COL21A1: variants seen among roughly 807,000 people sequenced by gnomAD.
The protein encoded by COL21A1 is collagen alpha-1(XXI) chain.
Under a neutral mutation model 137.9 loss-of-function variants are expected in COL21A1, and 149 were observed. That is an observed-to-expected ratio of 1.08 (90% CI 0.95 to 1.24). The LOEUF is 1.24. COL21A1 is among the 50% of genes most tolerant of loss of function. The pLI, the probability that COL21A1 is intolerant of heterozygous loss-of-function variation, is 0.00. For missense variants in COL21A1, 1,167 were observed against 1,158.4 expected (o/e 1.01, Z -0.11); for synonymous variants, 456 against 391.5 (o/e 1.16, Z -1.95).
intron 12 of COL21A1, among the ~76,000 whole-genome samples, chr6:56,132,056 G>A: frequency 6.7e-6 from 1 of 148,380 alleles, no homozygotes; most frequent in East Asian, 1.9e-4. Context: ...GAATTCACTT[G>A]GTGCTTTAAA....
At chr6:56,093,586 T>C (rs1451574984) in intron 17 of COL21A1, among the ~76,000 whole-genome samples, 1 of 152,136 alleles carries the variant, frequency 6.6e-6, no homozygotes, top group Non-Finnish European at 1.5e-5. Context: ...TTTCATGACC[T>C]AGGAATACCC....
intron 16 of COL21A1, among the ~76,000 whole-genome samples, chr6:56,109,816 T>C (rs1378660102): frequency 6.6e-6 from 1 of 151,898 alleles, no homozygotes; most frequent in African/African-American, 2.4e-5. Flanking sequence ...TTGCTGAAGG[T>C]TGCTCAAGAA....
rs150745598 is a variant in COL21A1 at position 56,343,346 on chromosome 6, T to C, written c.-39+50625A>G. On this transcript the variant is annotated intron_variant, in intron 1 of 28. Transcript: ENST00000370819. ...GGTAAGGCTTTTCAGTCTAGTTTCA[T>C]TGCCTGAGAAGCCTTCCTAGTCTGT... 3.0e-3 allele frequency among the ~76,000 whole-genome samples: 455 copies of C among 152,318 alleles called. 1 individual carries two copies. Among genetic ancestry groups the C allele is most frequent in the African/African-American group, 8.8e-3 (364 of 41,584 alleles).
intron 1 of COL21A1, among the ~76,000 whole-genome samples, chr6:56,321,116 C>T (rs1764855075): frequency 6.6e-6 from 1 of 152,164 alleles, no homozygotes; most frequent in Non-Finnish European, 1.5e-5. Flanking sequence ...TCTAATTAAA[C>T]ACAGATCTTC....
At chr6:56,159,177 G>A (rs190733238) in intron 9 of COL21A1, among the ~76,000 whole-genome samples, 8 of 152,142 alleles carry the variant, frequency 5.3e-5, no homozygotes, top group Admixed American at 2.0e-4. Flanking sequence ...TATCCTCACT[G>A]CAACTTTCTT....
At chr6:56,207,818 T>C (rs962087960) in intron 1 of COL21A1, among the ~76,000 whole-genome samples, 8 of 152,036 alleles carry the variant, frequency 5.3e-5, no homozygotes, top group African/African-American at 1.9e-4. Context: ...CAGCAGCATA[T>C]CAAAAACCTT....
At chr6:56,260,641 A>AAGAAAGAAAGAGAGAGAG (rs1763236514) in intron 1 of COL21A1, among the ~76,000 whole-genome samples, 4 of 40,786 alleles carry the variant, frequency 9.8e-5, no homozygotes, top group South Asian at 7.0e-4. Context: ...GGAAGGAAGG[A>AAGAAAGAAAGAGAGAGAG]AGGAAGGAAG....
At chr6:56,188,877 C>T (rs1778477044) in intron 1 of COL21A1, among the ~76,000 whole-genome samples, 1 of 152,170 alleles carries the variant, frequency 6.6e-6, no homozygotes, top group Non-Finnish European at 1.5e-5. Context: ...TCCAGTGGAC[C>T]TGCTGCAGAC....
At chr6:56,334,742 C>T (rs999875009) in intron 1 of COL21A1, among the ~76,000 whole-genome samples, 2 of 152,180 alleles carry the variant, frequency 1.3e-5, no homozygotes, top group South Asian at 2.1e-4. Flanking sequence ...GAAGGTAGGG[C>T]CTTTAATGAG....
intron 1 of COL21A1, among the ~76,000 whole-genome samples, chr6:56,260,635 G>GAAGAA (rs1562028780): frequency 2.3e-5 from 1 of 42,746 alleles, no homozygotes; most frequent in Non-Finnish European, 5.3e-5. Flanking sequence ...GAGGAAGGAA[G>GAAGAA]GAAGGAAGGA....
At chr6:56,343,213 G>A (rs550272649) in intron 1 of COL21A1, among the ~76,000 whole-genome samples, 2 of 152,114 alleles carry the variant, frequency 1.3e-5, no homozygotes, top group South Asian at 2.1e-4. Flanking sequence ...CTTTTAGCAA[G>A]CAACTAAATG....
chr6:56,109,224 T>C (rs1169455260), intron 16 of COL21A1, among the ~76,000 whole-genome samples: 1 of 151,354 alleles, frequency 6.6e-6, no homozygotes, highest in Non-Finnish European at 1.5e-5. Context: ...AACAAAAATT[T>C]AATGAAGTCA....
chr6:56,151,167 A>G (rs748556350), intron 10 of COL21A1, among the ~76,000 whole-genome samples: 1 of 152,192 alleles, frequency 6.6e-6, no homozygotes, highest in Non-Finnish European at 1.5e-5. Context: ...CGGAGCTTGC[A>G]GTGAGCCGAG....
chr6:56,264,764 A>G (rs559171628), intron 1 of COL21A1, among the ~76,000 whole-genome samples: 2 of 152,300 alleles, frequency 1.3e-5, no homozygotes, highest in South Asian at 4.1e-4. Context: ...AATTTAATCC[A>G]TATCATCTAA....
chr6:56,158,830 G>A (rs1251960560), intron 9 of COL21A1, among the ~76,000 whole-genome samples: 5 of 152,078 alleles, frequency 3.3e-5, no homozygotes, highest in Admixed American at 3.3e-4. Context: ...TTGAGAAGAA[G>A]GGAAATGTCA....
intron 1 of COL21A1, among the ~76,000 whole-genome samples, chr6:56,345,065 G>A (rs1765565285): frequency 6.6e-6 from 1 of 152,176 alleles, no homozygotes; most frequent in African/African-American, 2.4e-5. Flanking sequence ...GGACCTCTGT[G>A]GGATGCACAG....
intron 1 of COL21A1, among the ~76,000 whole-genome samples, chr6:56,212,169 A>C (rs1226743834): frequency 1.3e-5 from 2 of 152,040 alleles, no homozygotes; most frequent in Non-Finnish European, 2.9e-5. Context: ...GTTTCCTAGA[A>C]ATGCATTATG....
At chr6:56,332,326 T>C (rs2152343730) in intron 1 of COL21A1, among the ~76,000 whole-genome samples, 1 of 152,148 alleles carries the variant, frequency 6.6e-6, no homozygotes, top group Middle Eastern at 3.4e-3. Flanking sequence ...AATCAGTGTT[T>C]TGTAGTTCTC....
intron 22 of COL21A1, among the ~76,000 whole-genome samples, chr6:56,067,848 G>A (rs914596891): frequency 6.6e-6 from 1 of 151,450 alleles, no homozygotes. Context: ...CAGCTAGAAG[G>A]GAAATTAGAA....
Sources: gnomAD v4.1 joint callset for allele counts (sites outside exome capture counted in the v4.1 genomes callset) on GRCh38, gnomAD v4.1.1 for gene constraint, MANE v1.5 for transcripts, NCBI Gene and HGNC (gene_info 2026-07-23, HGNC 2026-07-21) for gene names.